Variants in TENM3 observed in about 807,000 individuals in gnomAD.
TENM3 encodes the protein teneurin-3.
Under a neutral mutation model 255.1 loss-of-function variants are expected in TENM3, and 63 were observed. The ratio of observed to expected loss-of-function variants is 0.25; its 90% CI spans 0.20 to 0.30. TENM3 has a LOEUF of 0.30. Among genes scored for constraint, TENM3 ranks in the 10% least tolerant of loss-of-function variants. The pLI, the probability that TENM3 is intolerant of heterozygous loss-of-function variation, is 1.00. For missense variants in TENM3, 2,929 were observed against 3,461.1 expected, an observed-to-expected ratio of 0.85 and a Z score of 3.86; for synonymous variants, 1,306 against 1,322.3, an observed-to-expected ratio of 0.99 and a Z score of 0.27.
At chr4:182,390,232 G>A (rs116631822) in intron 3 of TENM3, among the ~76,000 whole-genome samples, 142 of 152,248 alleles carry the variant, frequency 9.3e-4, no homozygotes, top group African/African-American at 3.3e-3. Flanking sequence ...ACAGACCATG[G>A]CAAGTCTTTG....
chr4:182,362,898 A>T (rs1035171535), intron 3 of TENM3, among the ~76,000 whole-genome samples: 1 of 152,210 alleles, frequency 6.6e-6, no homozygotes, highest in Non-Finnish European at 1.5e-5. Flanking sequence ...TTTTTAAGGT[A>T]CTTTTCATCT....
chr4:181,624,203 G>A, the TENM3 span, among the ~76,000 whole-genome samples: 2 of 152,214 alleles, frequency 1.3e-5, no homozygotes, highest in African/African-American at 2.4e-5. Context: ...TCTCAGGTCA[G>A]CTGGAGGCTC....
chr4:182,148,545 T>A (rs933277491), intron 1 of TENM3, among the ~76,000 whole-genome samples: 2 of 152,254 alleles, frequency 1.3e-5, no homozygotes, highest in Admixed American at 1.3e-4. Flanking sequence ...TTTGAGTCAT[T>A]AATAGTAACT....
the TENM3 span, among the ~76,000 whole-genome samples, chr4:181,793,777 A>G: frequency 7.2e-5 from 11 of 152,352 alleles, no homozygotes; most frequent in South Asian, 2.1e-4. Context: ...CTGTGCTTGC[A>G]TGAGTGTCTG....
chr4:182,384,311 G>GTTTTTTTTTTTTTT (rs10638816), intron 3 of TENM3, among the ~76,000 whole-genome samples: 2 of 147,862 alleles, frequency 1.4e-5, no homozygotes, highest in Non-Finnish European at 1.5e-5. Context: ...CTGTGGTTCA[G>GTTTTTTTTTTTTTT]TTTTTTTTTT....
chr4:181,855,929 G>A, the TENM3 span, among the ~76,000 whole-genome samples: 2 of 147,834 alleles, frequency 1.4e-5, no homozygotes, highest in African/African-American at 5.0e-5. Context: ...GGAAAAGAGG[G>A]AGGGAAGGAA....
At chr4:181,835,332 G>T in the TENM3 span, among the ~76,000 whole-genome samples, 1 of 152,066 alleles carries the variant, frequency 6.6e-6, no homozygotes, top group African/African-American at 2.4e-5. Flanking sequence ...TCTAATGTTG[G>T]TGCTAATTTC....
intron 3 of TENM3, among the ~76,000 whole-genome samples, chr4:182,505,165 AT>A (rs1439810788): frequency 1.3e-5 from 2 of 152,148 alleles, no homozygotes; most frequent in Non-Finnish European, 2.9e-5. Context: ...CCACATTACA[AT>A]GGTCTTATGA....
intron 3 of TENM3, among the ~76,000 whole-genome samples, chr4:182,405,294 G>C (rs1175103512): frequency 6.6e-6 from 1 of 152,174 alleles, no homozygotes; most frequent in Non-Finnish European, 1.5e-5. Context: ...ACTCACAGTA[G>C]ATGTTGCGTA....
chr4:182,432,228 G>C (rs12646609), intron 3 of TENM3, among the ~76,000 whole-genome samples: 1 of 151,618 alleles, frequency 6.6e-6, no homozygotes, highest in Admixed American at 6.6e-5. Context: ...AAATTTCTAC[G>C]TGTAAAAGTT....
chr4:181,747,994 C>T, the TENM3 span, among the ~76,000 whole-genome samples: 13 of 152,120 alleles, frequency 8.5e-5, no homozygotes, highest in South Asian at 1.5e-3. Flanking sequence ...CATGTCTCTA[C>T]CAGCATCTAG....
the TENM3 span, among the ~76,000 whole-genome samples, chr4:181,570,857 G>A: frequency 2.6e-5 from 4 of 152,332 alleles, 1 homozygote; most frequent in South Asian, 8.3e-4. Flanking sequence ...GCGAGAGAAG[G>A]TGGTGAAAGC....
the TENM3 span, among the ~76,000 whole-genome samples, chr4:181,990,858 T>A: frequency 6.6e-6 from 1 of 152,144 alleles, no homozygotes; most frequent in Admixed American, 6.6e-5. Flanking sequence ...GCAAAATACC[T>A]GTGTCATTCA....
At chr4:182,358,480 A>G (rs1765719215) in intron 3 of TENM3, among the ~76,000 whole-genome samples, 1 of 148,582 alleles carries the variant, frequency 6.7e-6, no homozygotes. Flanking sequence ...CTTTGAAACA[A>G]TTGTGAATGG....
chr4:182,591,893 A>G (rs535371032), intron 3 of TENM3, among the ~76,000 whole-genome samples: 1 of 152,146 alleles, frequency 6.6e-6, no homozygotes, highest in African/African-American at 2.4e-5. Flanking sequence ...TTGTTTTCCG[A>G]TGAGCTTCAC....
chr4:181,629,395 G>A, the TENM3 span, among the ~76,000 whole-genome samples: 5 of 152,276 alleles, frequency 3.3e-5, no homozygotes, highest in South Asian at 6.2e-4. Context: ...TGGTGAGAGA[G>A]CGCATCCCTG....
chr4:181,522,969 G>T, the TENM3 span: 1 of 683,860 alleles, frequency 1.5e-6, no homozygotes, highest in South Asian at 1.4e-5. Context: ...TGAGATAAAG[G>T]AGATGGGTAG....
At chr4:182,033,995 G>A in the TENM3 span, among the ~76,000 whole-genome samples, 7 of 152,156 alleles carry the variant, frequency 4.6e-5, no homozygotes, top group African/African-American at 7.2e-5. Context: ...CCCAGACTGG[G>A]TAATGTTTAA....
chr4:182,402,606 CT>C (rs1769282959), intron 3 of TENM3, among the ~76,000 whole-genome samples: 1 of 152,084 alleles, frequency 6.6e-6, no homozygotes, highest in African/African-American at 2.4e-5. Context: ...TACTTCTCTT[CT>C]TTTTTTAGGA....
Sources: gnomAD v4.1 joint callset for allele counts (sites outside exome capture counted in the v4.1 genomes callset) on GRCh38, gnomAD v4.1.1 for gene constraint, MANE v1.5 for transcripts, NCBI Gene and HGNC (gene_info 2026-07-23, HGNC 2026-07-21) for gene names.